TCERG1: variants seen among roughly 807,000 people sequenced by gnomAD.
TCERG1 encodes the protein transcription elongation regulator 1.
In TCERG1, 37 loss-of-function variants were observed where a neutral mutation model predicts 144.7. The observed-to-expected ratio is 0.26, with a 90% CI of 0.20 to 0.34. TCERG1 has a LOEUF of 0.34. Ranked by LOEUF, TCERG1 falls within the 10% of genes least tolerant of loss-of-function variation. The pLI, the probability that TCERG1 is intolerant of heterozygous loss-of-function variation, is 1.00. For missense variants in TCERG1, 1,027 were observed against 1,380.7 expected (o/e 0.74, Z 4.06); for synonymous variants, 492 against 458.2 (o/e 1.07, Z -0.94).
chr5:146,480,931 T>C (rs1365761463), intron 12 of TCERG1, among the ~76,000 whole-genome samples: 1 of 151,944 alleles, frequency 6.6e-6, no homozygotes, highest in Non-Finnish European at 1.5e-5. Flanking sequence ...CTTGACCAAA[T>C]GTAATTTTTA....
At chr5:146,450,581 C>G (rs1762265753) in intron 1 of TCERG1, among the ~76,000 whole-genome samples, 1 of 152,158 alleles carries the variant, frequency 6.6e-6, no homozygotes, top group Non-Finnish European at 1.5e-5. Flanking sequence ...ATACTAAGCA[C>G]TATTCCAAGT....
intron 15 of TCERG1, among the ~76,000 whole-genome samples, chr5:146,491,109 C>T (rs1766368086): frequency 6.6e-6 from 1 of 150,478 alleles, no homozygotes; most frequent in African/African-American, 2.4e-5. Context: ...TCTTGTAGAC[C>T]CTGACTACTT....
intron 14 of TCERG1, among the ~76,000 whole-genome samples, 167 bp downstream of exon 14, chr5:146,482,894 T>G (rs1354650362): frequency 6.6e-6 from 1 of 152,214 alleles, no homozygotes; most frequent in Admixed American, 6.5e-5. Context: ...TGGCTAATCT[T>G]ATCATATTTA....
At chr5:146,447,743 TGA>T (rs1762000089) in intron 1 of TCERG1, among the ~76,000 whole-genome samples, 1 of 152,224 alleles carries the variant, frequency 6.6e-6, no homozygotes, top group African/African-American at 2.4e-5. Context: ...TCGGCCGACC[TGA>T]GTCTGTCCCC....
chr5:146,503,065 A>C (rs1767628872), intron 17 of TCERG1: 1 of 158,312 alleles, frequency 6.3e-6, no homozygotes, highest in South Asian at 1.9e-4. Context: ...CAGTTCTGAG[A>C]TCTAAAGTTA....
At chr5:146,457,444 G>C (rs1762922633) in intron 3 of TCERG1, 109 bp downstream of exon 3, 1 of 1,104,582 alleles carries the variant, frequency 9.1e-7, no homozygotes, top group Non-Finnish European at 1.3e-6. Context: ...TGAGCCCTGG[G>C]TGAGCAGGGA....
intron 12 of TCERG1, among the ~76,000 whole-genome samples, chr5:146,480,940 T>C (rs1765307651): frequency 1.3e-5 from 2 of 151,996 alleles, no homozygotes; most frequent in South Asian, 4.1e-4. Context: ...ATGTAATTTT[T>C]ATTAGTTGTG....
intron 17 of TCERG1, among the ~76,000 whole-genome samples, chr5:146,500,823 A>G (rs1767354878): frequency 6.6e-6 from 1 of 152,128 alleles, no homozygotes; most frequent in Non-Finnish European, 1.5e-5. Context: ...CCTAGGCAAT[A>G]TAGCAAGACC....
intron 14 of TCERG1, 145 bp from the exon 15 acceptor site, chr5:146,483,395 T>A: frequency 1.6e-6 from 1 of 628,928 alleles, no homozygotes. Flanking sequence ...AGCCTCCCAC[T>A]GCTTGTCATT....
intron 5 of TCERG1, among the ~76,000 whole-genome samples, chr5:146,467,056 A>G (rs758343857): frequency 9.9e-5 from 15 of 152,220 alleles, no homozygotes; most frequent in Non-Finnish European, 1.8e-4. Flanking sequence ...AAAATTATAC[A>G]TATAACTTTA....
At chr5:146,485,811 T>C (rs1581507291) in intron 15 of TCERG1, among the ~76,000 whole-genome samples, 1 of 152,064 alleles carries the variant, frequency 6.6e-6, no homozygotes, top group South Asian at 2.1e-4. Flanking sequence ...CCTCCCACCT[T>C]AGCCTCCCAA....
chr5:146,509,370 C>G (rs1259123389), intron 22 of TCERG1, 125 bp downstream of exon 22: 1 of 624,570 alleles, frequency 1.6e-6, no homozygotes, highest in Non-Finnish European at 2.7e-6. Context: ...TAAGAAGATA[C>G]CAACTTCTGT....
chr5:146,504,599 A>G (rs1166285032), intron 19 of TCERG1: 1 of 152,550 alleles, frequency 6.6e-6, no homozygotes, highest in Non-Finnish European at 1.5e-5. Context: ...TATCTCTCCT[A>G]TGCTATTTCT....
chr5:146,448,288 C>T lies in TCERG1; in HGVS notation c.59+880C>T, dbSNP rs542870186. On this transcript the variant is annotated intron_variant, in intron 1 of 22. Coordinates refer to ENST00000679501, the MANE Select transcript of TCERG1 (RefSeq NM_001382548.1). ...CTGCAATCCCAATTGGCGTTCTATT[C>T]GTCTACTACTCATGCCATTTCCTTG... Among the ~76,000 whole-genome samples the T allele has an allele frequency of 2.6e-5, 4 of 152,308 alleles. No homozygotes were observed. The South Asian group carries it at 8.3e-4, about 32-fold the overall frequency.
intron 21 of TCERG1, 141 bp downstream of exon 21, chr5:146,508,097 T>G (rs1768166734): frequency 5.6e-6 from 3 of 538,356 alleles, no homozygotes; most frequent in Non-Finnish European, 9.4e-6. Flanking sequence ...AATCTGAATT[T>G]TAAGTTTATG....
At position 146,459,066 on chromosome 5, in the gene TCERG1, TCAGGCTCAGGCCCAGGCC is replaced by T. The variant is rs753610800; in HGVS notation, c.627_644del (p.Ala237_Gln242del). On this transcript the variant is annotated inframe_deletion, in exon 4 of 23. Coordinates refer to ENST00000679501, the MANE Select transcript of TCERG1 (RefSeq NM_001382548.1). The stretch of plus-strand genomic sequence containing the variant: ...CCCAGGCACAAGCTCAGGCCCAGGC[TCAGGCTCAGGCCCAGGCC>T]CAGGCCCAGGCCCAGGCCCAGGCCC... The T allele has an allele frequency of 7.7e-6, 12 of 1,568,134 alleles. No individual in the cohort carries two copies. The highest frequency in any genetic ancestry group is 1.7e-4 in the Middle Eastern group (1 of 5,868).
At chr5:146,488,390 A>G (rs1196190726) in intron 15 of TCERG1, among the ~76,000 whole-genome samples, 3 of 152,174 alleles carry the variant, frequency 2.0e-5, no homozygotes, top group Non-Finnish European at 4.4e-5. Context: ...TCCCAACAGA[A>G]AAAAACAGAT....
Position 146,506,790 on chromosome 5 carries a change from T to A in TCERG1, c.2782-238T>A, listed in dbSNP as rs1768042176. Among the ~76,000 whole-genome samples, 1 of 152,232 alleles carries A rather than the reference T, an allele frequency of 6.6e-6. No homozygotes were observed. Among genetic ancestry groups the A allele is most frequent in the Non-Finnish European group, 1.5e-5 (1 of 68,034 alleles). On this transcript the variant is annotated intron_variant, in intron 19 of 22. Transcript: ENST00000679501. ...TTCTGTGCTTGACTTATTTCACTTATGTTGTCCTCTAGGTTTATCCATGCC... is the reference window on the plus strand; with the variant it reads ...TTCTGTGCTTGACTTATTTCACTTAAGTTGTCCTCTAGGTTTATCCATGCC...
rs367725471 is a variant in TCERG1 at position 146,487,867 on chromosome 5, TAACTAA to T, written c.2163+4242_2163+4247del. 5.4e-3 allele frequency among the ~76,000 whole-genome samples: 819 copies of T among 152,102 alleles called. 13 individuals are homozygous for T. Among genetic ancestry groups the T allele is most frequent in the African/African-American group, 0.019 (770 of 41,496 alleles). On this transcript the variant is annotated intron_variant, in intron 15 of 22. Transcript: ENST00000679501. ...TTCAAAATATGCTAGAGAGCTGTAG[TAACTAA>T]AACAGTACGGTACTGGCATAAAAAC...
Sources: gnomAD v4.1 joint callset for allele counts (sites outside exome capture counted in the v4.1 genomes callset) on GRCh38, gnomAD v4.1.1 for gene constraint, MANE v1.5 for transcripts, NCBI Gene and HGNC (gene_info 2026-07-23, HGNC 2026-07-21) for gene names.